Variants in CYP2A6 observed in about 807,000 individuals in gnomAD.
The protein encoded by CYP2A6 is cytochrome P450 2A6.
CYP2A6 carries 27 observed loss-of-function variants against 42.3 expected under a neutral mutation model. The observed-to-expected ratio is 0.64, with a 90% confidence interval of 0.47 to 0.88. The LOEUF is 0.88. Ranked by LOEUF, CYP2A6 falls within the 40% of genes least tolerant of loss-of-function variation. The probability of loss-of-function intolerance (pLI) is 0.00; values close to 1 mark genes in which losing one functional copy is unlikely to be tolerated. For missense variants in CYP2A6, 628 were observed against 646.0 expected, an observed-to-expected ratio of 0.97 and a Z score of 0.30; for synonymous variants, 238 against 246.3, an observed-to-expected ratio of 0.97 and a Z score of 0.31.
rs4997555 is a variant in CYP2A6 at position 40,845,866 on chromosome 19, C to T, written c.973+90G>A. The stretch of plus-strand genomic sequence containing the variant: ...GACAGCAAGTCACGTCTCAGGGTCC[C>T]GGGATCTGGGACAGGTGGGGACATT... On this transcript the variant is annotated intron_variant, in intron 6 of 8. Coordinates refer to ENST00000301141, the MANE Select transcript of CYP2A6 (RefSeq NM_000762.6). The T allele has an allele frequency of 1.9e-4, 294 of 1,546,488 alleles. 3 individuals are homozygous for T. The African/African-American group carries it at 3.1e-3, about 16-fold the overall frequency.
Position 40,846,079 on chromosome 19 carries a change from T to C in CYP2A6, c.850A>G (p.Thr284Ala). ...RMQEEEKNPN[T>A]EFYLKNLVMT... Reference sequence around the variant, plus strand: ...ACCAGGTTTTTCAAGTAGAACTCCGTGTTGGGGTTCTTCTCCTCCTGCAGG... The same window carrying C: ...ACCAGGTTTTTCAAGTAGAACTCCGCGTTGGGGTTCTTCTCCTCCTGCAGG... The change falls in exon 6 of 9, where the codon ACG (threonine) becomes GCG (alanine). Residue 284 changes from threonine (T) to alanine (A), a missense_variant. This residue lies in a region of CYP2A6 where 606 missense variants were observed against 568.1 expected (regional missense o/e 1.07). Coordinates refer to ENST00000301141, the MANE Select transcript of CYP2A6 (RefSeq NM_000762.6). The C allele has an allele frequency of 6.2e-7, 1 of 1,611,592 alleles. No individual in the cohort carries two copies. The highest frequency in any genetic ancestry group is 8.5e-7 in the Non-Finnish European group (1 of 1,179,856).
At chr19:40,844,895 G>C in intron 7 of CYP2A6, 123 bp from the exon 8 acceptor site, 1 of 1,315,774 alleles carries the variant, frequency 7.6e-7, no homozygotes, top group East Asian at 2.6e-5. Flanking sequence ...GGAGGAGTTG[G>C]GGTCCTCTGA....
chr19:40,848,133 T>C, intron 4 of CYP2A6, 86 bp downstream of exon 4: 1 of 1,578,070 alleles, frequency 6.3e-7, no homozygotes, highest in East Asian at 2.3e-5. Flanking sequence ...TGGAGGGCGG[T>C]GGGAGTTTGG....
At chr19:40,848,977 A>AGG (rs1491511682) in intron 2 of CYP2A6, among the ~76,000 whole-genome samples, 1 of 73,688 alleles carries the variant, frequency 1.4e-5, no homozygotes, top group African/African-American at 5.8e-5. Flanking sequence ...AGAGAGAGAG[A>AGG]AGAGAGAGAG....
chr19:40,848,122 C>T (rs1967132215), intron 4 of CYP2A6, 97 bp downstream of exon 4: 1 of 1,570,772 alleles, frequency 6.4e-7, no homozygotes, highest in Admixed American at 1.7e-5. Flanking sequence ...GGGACACTGT[C>T]TGGAGGGCGG....
rs183944406 is a variant in CYP2A6, at chr19:40,846,231, G to A, written c.832-134C>T. The stretch of plus-strand genomic sequence containing the variant: ...GAGGGACCCTAGATCTACCAGACTC[G>A]CTCTAGGTTCCAGCCCTTGCCCTGG... On this transcript the variant is annotated intron_variant, in intron 5 of 8. Coordinates refer to ENST00000301141, the MANE Select transcript of CYP2A6 (RefSeq NM_000762.6). 3.8e-5 allele frequency: 49 copies of A among 1,293,162 alleles called. 1 individual carries two copies. In the South Asian group the frequency reaches 5.3e-4, roughly 14 times the overall value. 80.1% of individuals were successfully genotyped at this position (1,293,162 alleles called of 1,614,324 possible).
In CYP2A6 at chr19:40,848,754, A is replaced by T. The variant is rs763988737; in HGVS notation, c.353T>A (p.Phe118Tyr). 2.5e-6 allele frequency: 4 copies of T among 1,611,356 alleles called. No homozygotes were observed. The highest frequency in any genetic ancestry group is 3.4e-6 in the Non-Finnish European group (4 of 1,179,808). The change falls in exon 3 of 9, where the codon TTC becomes TAC. Residue 118 changes from phenylalanine (F) to tyrosine (Y), a missense_variant. Phe to Tyr is a conservative substitution (Grantham distance 22, BLOSUM62 3). This residue lies in a region of CYP2A6 where 606 missense variants were observed against 568.1 expected (regional missense o/e 1.07). Transcript: ENST00000301141. ...CTGCTTGGCGCGCTCCCCGTTGCTGAATACCACGCCTGGGGAGGTGAACGC... is the reference window on the plus strand; with the variant it reads ...CTGCTTGGCGCGCTCCCCGTTGCTGTATACCACGCCTGGGGAGGTGAACGC... The part of the protein sequence containing the change: ...DWVFKGYGVV[F>Y]SNGERAKQLR...
intron 2 of CYP2A6, among the ~76,000 whole-genome samples, chr19:40,849,355 A>G (rs889193666): frequency 6.6e-6 from 1 of 151,340 alleles, no homozygotes; most frequent in African/African-American, 2.4e-5. Flanking sequence ...GTCTGGAAGG[A>G]AGAGAGACTG....
rs749481886 is a variant in CYP2A6 at position 40,846,038 on chromosome 19, GT to G, written c.890del (p.Asn297ThrfsTer22). The G allele has an allele frequency of 2.1e-5, 34 of 1,611,556 alleles. 1 individual carries two copies. The highest frequency in any genetic ancestry group is 2.8e-5 in the Non-Finnish European group (33 of 1,179,858). On this transcript the variant is annotated frameshift_variant, in exon 6 of 9. Coordinates refer to ENST00000301141, the MANE Select transcript of CYP2A6 (RefSeq NM_000762.6). LOFTEE classifies it high-confidence loss of function. ...YLKNLVMTTL[N>X]LFIGGTETVS... is the part of the protein sequence containing the mutation. ...CGGTCTCGGTGCCCCCAATGAAGAG[GT>G]TCAACGTGGTCATCACCAGGTTTTT...
intron 1 of CYP2A6, 44 bp from the exon 2 acceptor site, chr19:40,850,024 T>C: frequency 6.2e-7 from 1 of 1,605,268 alleles, no homozygotes; most frequent in Non-Finnish European, 8.5e-7. Context: ...AAGCCTCCAC[T>C]CTGAATGGGG....
In CYP2A6 at chr19:40,848,760, AC is replaced by A; in HGVS notation, c.346del (p.Val116TrpfsTer59). 6.2e-7 allele frequency: 1 copy of A among 1,610,712 alleles called. No homozygotes were observed. The highest frequency in any genetic ancestry group is 8.5e-7 in the Non-Finnish European group (1 of 1,179,640). On this transcript the variant is annotated frameshift_variant and splice_region_variant, in exon 3 of 9. Coordinates refer to ENST00000301141, the MANE Select transcript of CYP2A6 (RefSeq NM_000762.6). LOFTEE classifies it high-confidence loss of function. ...TFDWVFKGYG[V>X]VFSNGERAKQ... ...GGCGCGCTCCCCGTTGCTGAATACC[AC>A]GCCTGGGGAGGTGAACGCGGGAATG...
In CYP2A6 at chr19:40,845,151, C is replaced by T. The variant is rs181329462; in HGVS notation, c.1161+143G>A. Reference sequence around the variant, plus strand: ...GGAGTGTCTAAGTGGAAAGGTGGAACGGATGTGGTGGTTGGGGAAGTCTTT... The same window carrying T: ...GGAGTGTCTAAGTGGAAAGGTGGAATGGATGTGGTGGTTGGGGAAGTCTTT... On this transcript the variant is annotated intron_variant, in intron 7 of 8. Coordinates refer to ENST00000301141, the MANE Select transcript of CYP2A6 (RefSeq NM_000762.6). The T allele has an allele frequency of 1.8e-4, 177 of 999,700 alleles. 1 individual carries two copies. In the East Asian group the frequency reaches 2.8e-3, roughly 16 times the overall value. The allele number at this position is 999,700 out of a possible 1,614,324, so 61.9% of individuals were successfully genotyped here. A position where few individuals can be genotyped will look rare whatever the true frequency, so the allele number is the denominator to read the frequency against.
intron 2 of CYP2A6, among the ~76,000 whole-genome samples, chr19:40,849,191 A>T (rs1393592837): frequency 1.5e-4 from 22 of 150,342 alleles, no homozygotes; most frequent in Middle Eastern, 3.4e-3. Flanking sequence ...GGAGGAAGGG[A>T]AGGAAGTGGG....
At chr19:40,847,074 G>A in intron 4 of CYP2A6, 23 bp from the exon 5 acceptor site, 2 of 1,607,530 alleles carry the variant, frequency 1.2e-6, no homozygotes, top group Non-Finnish European at 1.7e-6. Context: ...AGAGAGGATG[G>A]GAAGGGAAGG....
At chr19:40,848,192 G>C in intron 4 of CYP2A6, 27 bp downstream of exon 4, 1 of 1,609,318 alleles carries the variant, frequency 6.2e-7, no homozygotes, top group Non-Finnish European at 8.5e-7. Flanking sequence ...TGGTAGGGGC[G>C]TCACGGGCCG....
In CYP2A6 at chr19:40,850,206, A is replaced by G. The variant is rs749480640; in HGVS notation, c.180+41T>C. The stretch of plus-strand genomic sequence containing the variant: ...GCCACAAAGCCCCAGCCAACTAGGC[A>G]GCCCCCACCCCGTGCCACCCATCTC... On this transcript the variant is annotated intron_variant, in intron 1 of 8. Coordinates refer to ENST00000301141, the MANE Select transcript of CYP2A6 (RefSeq NM_000762.6). 6 of 1,588,134 alleles carry G rather than the reference A, an allele frequency of 3.8e-6. No homozygotes were observed. In the Admixed American group the frequency reaches 6.8e-5, roughly 18 times the overall value.
intron 5 of CYP2A6, among the ~76,000 whole-genome samples, 164 bp downstream of exon 5, chr19:40,846,711 A>G (rs1246256088): frequency 1.3e-5 from 2 of 151,352 alleles, no homozygotes; most frequent in Non-Finnish European, 2.9e-5. Flanking sequence ...CGGCCTCCCA[A>G]AGTGCTGGGA....
rs1471113833 is a variant in CYP2A6, at chr19:40,848,666, C to T, written c.441G>A (p.Glu147=). The part of the protein sequence containing the change: ...DFGVGKRGIE[E]RIQEEAGFLI... ...GGAAGCCCGCCTCCTCCTGGATGCG[C>T]TCCTCGATGCCTCGCTTGCCCACCC... is the stretch of plus-strand genomic sequence containing the variant. The change falls in exon 3 of 9, where the codon GAG becomes GAA. Residue 147 remains glutamate, a synonymous_variant. Transcript: ENST00000301141. 1 of 1,612,022 alleles carries T rather than the reference C, an allele frequency of 6.2e-7. No homozygotes were observed. The highest frequency in any genetic ancestry group is 1.1e-5 in the South Asian group (1 of 90,950).
At chr19:40,845,613 A>G in intron 6 of CYP2A6, 132 bp from the exon 7 acceptor site, 1 of 1,417,034 alleles carries the variant, frequency 7.1e-7, no homozygotes, top group Non-Finnish European at 9.5e-7. Flanking sequence ...ATAACAGAAC[A>G]GACATCAGCC....
Sources: gnomAD v4.1 joint callset for allele counts (sites outside exome capture counted in the v4.1 genomes callset) on GRCh38, gnomAD v4.1.1 for gene constraint, gnomAD v4.1.1 regional missense constraint, MANE v1.5 for transcripts, NCBI Gene and HGNC (gene_info 2026-07-23, HGNC 2026-07-21) for gene names.